The following PNPT1 variants were observed in gnomAD, a reference collection of about 807,000 sequenced individuals.
The protein encoded by PNPT1 is polyribonucleotide nucleotidyltransferase 1, also known as polyribonucleotide nucleotidyltransferase 1, mitochondrial.
A neutral mutation model predicts 119.5 loss-of-function variants in PNPT1; 53 were observed. That is an observed-to-expected ratio of 0.44 (90% confidence interval 0.36 to 0.56). PNPT1 has a LOEUF of 0.56. Among genes scored for constraint, PNPT1 ranks in the 20% least tolerant of loss-of-function variants. The pLI, the probability that PNPT1 is intolerant of heterozygous loss-of-function variation, is 0.00. For missense variants in PNPT1, 948 were observed against 938.5 expected, an observed-to-expected ratio of 1.01 and a Z score of -0.13; for synonymous variants, 357 against 322.1, an observed-to-expected ratio of 1.11 and a Z score of -1.16.
chr2:55,646,902 G>A (rs1206029839), intron 19 of PNPT1, among the ~76,000 whole-genome samples: 3 of 152,086 alleles, frequency 2.0e-5, no homozygotes, highest in Admixed American at 1.3e-4. Flanking sequence ...GCAGTGGCAC[G>A]ATCTTGGCTC....
intron 23 of PNPT1, 27 bp from the exon 24 acceptor site, chr2:55,643,452 A>G: frequency 6.3e-7 from 1 of 1,598,968 alleles, no homozygotes. Flanking sequence ...GTAACATATT[A>G]AAGTTAACTT....
intron 8 of PNPT1, among the ~76,000 whole-genome samples, chr2:55,676,467 C>G (rs1185572955): frequency 6.6e-6 from 1 of 152,102 alleles, no homozygotes; most frequent in East Asian, 1.9e-4. Context: ...CAGTTGAAAA[C>G]AAACATCTAA....
At chr2:55,683,652 C>T (rs552185067) in intron 5 of PNPT1, 133 bp downstream of exon 5, 281 of 598,668 alleles carry the variant, frequency 4.7e-4, no homozygotes, top group Non-Finnish European at 6.5e-4. Context: ...TTTTCAAAAA[C>T]GTAATGTAAA....
rs1005385797 is a variant in PNPT1 at position 55,663,794 on chromosome 2, T to C, written c.1177-1768A>G. 4.6e-5 allele frequency among the ~76,000 whole-genome samples: 7 copies of C among 151,752 alleles called. No homozygotes were observed. The East Asian group carries it at 1.4e-3, about 29-fold the overall frequency. On this transcript the variant is annotated intron_variant, in intron 13 of 27. Transcript: ENST00000447944. ...GAGATAGAGACCATCCTGGCTAACATGGTGAAACCCCGTCTCTACTAAAAA... is the reference window on the plus strand; with the variant it reads ...GAGATAGAGACCATCCTGGCTAACACGGTGAAACCCCGTCTCTACTAAAAA...
At chr2:55,647,838 T>G (rs1207171727) in intron 18 of PNPT1, among the ~76,000 whole-genome samples, 1 of 152,158 alleles carries the variant, frequency 6.6e-6, no homozygotes, top group Non-Finnish European at 1.5e-5. Flanking sequence ...TTACTTTTAA[T>G]GTAAGTGGAT....
chr2:55,682,358 G>A (rs1169628438), intron 5 of PNPT1, among the ~76,000 whole-genome samples: 2 of 151,830 alleles, frequency 1.3e-5, no homozygotes, highest in Non-Finnish European at 1.5e-5. Flanking sequence ...TACTCAGGAG[G>A]CTGAGGCAGG....
In PNPT1 at chr2:55,635,315, A is replaced by AT. The variant is rs59973143; in HGVS notation, c.*921dup. ...CCTAGTTCAATTTGATAAGTAAACAATTTTTTTTTTTTTTTTGAGACGGAG... is the reference window on the plus strand; with the variant it reads ...CCTAGTTCAATTTGATAAGTAAACAATTTTTTTTTTTTTTTTTGAGACGGAG... On this transcript the variant is annotated 3_prime_UTR_variant, in exon 28 of 28. Coordinates refer to ENST00000447944, the MANE Select transcript of PNPT1 (RefSeq NM_033109.5). 5.1e-5 allele frequency: 7 copies of AT among 137,300 alleles called. No homozygotes were observed. The East Asian group carries it at 6.1e-4, about 12-fold the overall frequency. 8.5% of individuals were successfully genotyped at this position (137,300 alleles called of 1,614,324 possible).
chr2:55,666,895 T>C (rs1696748336), intron 13 of PNPT1, 96 bp downstream of exon 13: 1 of 751,852 alleles, frequency 1.3e-6, no homozygotes. Flanking sequence ...ATATACACCA[T>C]ATGACAAAAC....
intron 18 of PNPT1, among the ~76,000 whole-genome samples, chr2:55,650,261 G>C (rs894593153): frequency 5.9e-5 from 9 of 152,172 alleles, no homozygotes; most frequent in African/African-American, 1.9e-4. Flanking sequence ...TCCTGCCTCA[G>C]CCTGCCGACT....
At chr2:55,645,836 TTC>T (rs869110539) in intron 21 of PNPT1, among the ~76,000 whole-genome samples, 24 of 48,744 alleles carry the variant, frequency 4.9e-4, no homozygotes, top group Admixed American at 2.8e-3. Flanking sequence ...TACTTAGTAC[TTC>T]TTTTTTTTTG....
intron 23 of PNPT1, 23 bp from the exon 24 acceptor site, chr2:55,643,448 T>A (rs776791476): frequency 6.2e-7 from 1 of 1,601,986 alleles, no homozygotes; most frequent in Admixed American, 1.7e-5. Context: ...AAATGTAACA[T>A]ATTAAAGTTA....
intron 25 of PNPT1, 109 bp from the exon 26 acceptor site, chr2:55,640,814 C>T: frequency 1.4e-6 from 1 of 700,542 alleles, no homozygotes; most frequent in Non-Finnish European, 2.4e-6. Flanking sequence ...CGAAAAGAAA[C>T]AATTCTAGCA....
At chr2:55,640,757 C>T (rs1695810177) in intron 25 of PNPT1, 52 bp from the exon 26 acceptor site, 1 of 1,165,164 alleles carries the variant, frequency 8.6e-7, no homozygotes. Context: ...ATCTGTATAT[C>T]CATTGACAAA....
At chr2:55,677,933 G>A (rs1313591305) in intron 8 of PNPT1, among the ~76,000 whole-genome samples, 1 of 152,050 alleles carries the variant, frequency 6.6e-6, no homozygotes, top group Non-Finnish European at 1.5e-5. Flanking sequence ...AGTAGAGACA[G>A]GGTTTCACTG....
At chr2:55,689,051 C>T (rs1697510827) in intron 1 of PNPT1, among the ~76,000 whole-genome samples, 1 of 152,040 alleles carries the variant, frequency 6.6e-6, no homozygotes, top group African/African-American at 2.4e-5. Flanking sequence ...CACACAAAGT[C>T]TTAAATATGA....
rs985658819 is a variant in PNPT1 at position 55,654,737 on chromosome 2, A to AT, written c.1495+162dup. On this transcript the variant is annotated intron_variant, in intron 18 of 27. Transcript: ENST00000447944. ...TAACAGGTGTGTATAAAAGGTTAGCATTTTTTTTTAATCTTTTTTGTAGAG... is the reference window on the plus strand; with the variant it reads ...TAACAGGTGTGTATAAAAGGTTAGCATTTTTTTTTTAATCTTTTTTGTAGAG... Among the ~76,000 whole-genome samples, 28 of 150,916 alleles carry AT rather than the reference A, an allele frequency of 1.9e-4. No individual in the cohort carries two copies. In the East Asian group the frequency reaches 3.3e-3, roughly 18 times the overall value.
intron 26 of PNPT1, among the ~76,000 whole-genome samples, chr2:55,640,148 G>A (rs1418032349): frequency 6.6e-6 from 1 of 151,796 alleles, no homozygotes; most frequent in Non-Finnish European, 1.5e-5. Context: ...TTAATATATG[G>A]TAAAACAGAC....
intron 27 of PNPT1, among the ~76,000 whole-genome samples, chr2:55,636,678 C>G (rs1695685881): frequency 6.6e-6 from 1 of 152,162 alleles, no homozygotes; most frequent in South Asian, 2.1e-4. Flanking sequence ...GGGGAACAGT[C>G]ACAGGCATAG....
chr2:55,638,399 C>A (rs895947010), intron 26 of PNPT1, among the ~76,000 whole-genome samples: 1 of 152,032 alleles, frequency 6.6e-6, no homozygotes, highest in Admixed American at 6.6e-5. Flanking sequence ...CAGTGGCTCA[C>A]ACCTGTAGTC....
Sources: allele counts gnomAD v4.1 joint callset (sites outside exome capture counted in the v4.1 genomes callset), GRCh38; gene constraint gnomAD v4.1.1; transcripts MANE v1.5; gene names NCBI Gene and HGNC (gene_info 2026-07-23, HGNC 2026-07-21).